The following SSX2IP variants were observed in gnomAD, a reference collection of about 807,000 sequenced individuals.
SSX2IP encodes the protein SSX family member 2 interacting protein.
A neutral mutation model predicts 84.9 loss-of-function variants in SSX2IP; 55 were observed. The observed-to-expected ratio is 0.65, with a 90% confidence interval of 0.52 to 0.81. The LOEUF is 0.81. Ranked by LOEUF, SSX2IP falls within the 30% of genes least tolerant of loss-of-function variation. SSX2IP has a pLI of 0.00. For missense variants in SSX2IP, 664 were observed against 705.2 expected (o/e 0.94, Z 0.66); for synonymous variants, 239 against 234.7 (o/e 1.02, Z -0.17).
At chr1:84,661,199 C>T (rs1039668882) in intron 8 of SSX2IP, among the ~76,000 whole-genome samples, 5 of 151,276 alleles carry the variant, frequency 3.3e-5, no homozygotes, top group African/African-American at 1.2e-4. Flanking sequence ...TCCTCAAATA[C>T]AGGTTTAAAA....
chr1:84,686,626 G>C (rs946948267), intron 1 of SSX2IP, among the ~76,000 whole-genome samples: 1 of 152,076 alleles, frequency 6.6e-6, no homozygotes, highest in Non-Finnish European at 1.5e-5. Context: ...AAAAGGGGCA[G>C]GAGAACAAAC....
At chr1:84,682,030 C>A (rs1655151474) in intron 1 of SSX2IP, among the ~76,000 whole-genome samples, 1 of 152,184 alleles carries the variant, frequency 6.6e-6, no homozygotes, top group Non-Finnish European at 1.5e-5. Flanking sequence ...ACACCCTCTT[C>A]AAAAACAAAT....
At position 84,649,993 on chromosome 1, in the gene SSX2IP, T is replaced by C. The variant is rs1294551099; in HGVS notation, c.1670+369A>G. ...GGCATGCCGGAAAAAAGTGTTAAGA[T>C]ATGTACTCTACAAAAACTGTCAAAA... On this transcript the variant is annotated intron_variant, in intron 13 of 13. Transcript: ENST00000342203. The C allele has an allele frequency of 1.1e-5, 7 of 616,660 alleles. No individual in the cohort carries two copies. In the Admixed American group the frequency reaches 1.2e-4, roughly 10 times the overall value. The allele number at this position is 616,660 out of a possible 1,614,324, so 38.2% of individuals were successfully genotyped here.
At chr1:84,681,967 CT>C (rs1416880682) in intron 1 of SSX2IP, among the ~76,000 whole-genome samples, 2 of 152,184 alleles carry the variant, frequency 1.3e-5, no homozygotes, top group Non-Finnish European at 2.9e-5. Context: ...CTCCCCCTGG[CT>C]TAATGAACAA....
chr1:84,655,581 A>G (rs1419982085), intron 11 of SSX2IP: 3 of 1,436,486 alleles, frequency 2.1e-6, no homozygotes, highest in African/African-American at 2.8e-5. Context: ...TAGCAGGAGA[A>G]AGCCAATCTG....
chr1:84,664,413 T>C lies in SSX2IP; in HGVS notation c.673+4A>G. The C allele has an allele frequency of 6.4e-7, 1 of 1,572,710 alleles. No individual in the cohort carries two copies. The highest frequency in any genetic ancestry group is 8.6e-7 in the Non-Finnish European group (1 of 1,166,490). The stretch of plus-strand genomic sequence containing the variant: ...CTCTTAGCTGATCTTTGCCAGCTGT[T>C]TACCTATTTTCTTATCTTTCTTGTT... On this transcript the variant is annotated splice_donor_region_variant and intron_variant, in intron 6 of 13. Transcript: ENST00000342203.
At chr1:84,674,842 G>T (rs1654092940) in intron 1 of SSX2IP, among the ~76,000 whole-genome samples, 1 of 152,130 alleles carries the variant, frequency 6.6e-6, no homozygotes, top group Non-Finnish European at 1.5e-5. Context: ...TCTGTTCAAT[G>T]ATGTACCAAT....
chr1:84,661,173 A>C (rs2102317330), intron 8 of SSX2IP, among the ~76,000 whole-genome samples: 1 of 152,016 alleles, frequency 6.6e-6, no homozygotes, highest in Middle Eastern at 3.4e-3. Context: ...GATTTGTGAT[A>C]CCACAAAATA....
intron 11 of SSX2IP, among the ~76,000 whole-genome samples, chr1:84,652,878 A>C (rs1355856928): frequency 6.7e-6 from 1 of 149,316 alleles, no homozygotes; most frequent in Non-Finnish European, 1.5e-5. Context: ...ACAAAACAAA[A>C]AAAATTAGCC....
chr1:84,647,262 C>T lies in SSX2IP; in HGVS notation c.*171G>A. ...AATACATATCCAAAGCTTTTATATC[C>T]TTTTAAATAGATTTAAGATTTCAAC... On this transcript the variant is annotated 3_prime_UTR_variant, in exon 14 of 14. Transcript: ENST00000342203. 1 of 497,416 alleles carries T rather than the reference C, an allele frequency of 2.0e-6. No individual in the cohort carries two copies. The highest frequency in any genetic ancestry group is 3.4e-6 in the Non-Finnish European group (1 of 293,770). The allele number at this position is 497,416 out of a possible 1,614,324, so 30.8% of individuals were successfully genotyped here. A position where few individuals can be genotyped will look rare whatever the true frequency, so the allele number is the denominator to read the frequency against.
At chr1:84,665,510 T>C (rs1652653712) in intron 5 of SSX2IP, among the ~76,000 whole-genome samples, 1 of 152,160 alleles carries the variant, frequency 6.6e-6, no homozygotes. Flanking sequence ...TTTAGAGCAA[T>C]AAAAACATAA....
At position 84,650,039 on chromosome 1, in the gene SSX2IP, C is replaced by T. The variant is rs1649997987; in HGVS notation, c.1670+323G>A. The T allele has an allele frequency of 4.7e-6, 3 of 637,682 alleles. No individual in the cohort carries two copies. The Admixed American group carries it at 7.3e-5, about 15-fold the overall frequency. 39.5% of individuals were successfully genotyped at this position (637,682 alleles called of 1,614,324 possible). A position where few individuals can be genotyped will look rare whatever the true frequency, so the allele number is the denominator to read the frequency against. Reference sequence around the variant, plus strand: ...CAAAACAATATCCTTCCATTTAATACAATTAAAGTGCTTAAAATATTAACT... The same window carrying T: ...CAAAACAATATCCTTCCATTTAATATAATTAAAGTGCTTAAAATATTAACT... On this transcript the variant is annotated intron_variant, in intron 13 of 13. Coordinates refer to ENST00000342203, the MANE Select transcript of SSX2IP (RefSeq NM_001166293.2).
At chr1:84,657,933 A>G (rs1216885695) in intron 9 of SSX2IP, among the ~76,000 whole-genome samples, 2 of 152,138 alleles carry the variant, frequency 1.3e-5, no homozygotes, top group African/African-American at 4.8e-5. Context: ...CAGGAGTTCA[A>G]GATAAGCCTG....
intron 1 of SSX2IP, among the ~76,000 whole-genome samples, chr1:84,689,419 T>C (rs1345953303): frequency 1.3e-5 from 2 of 152,206 alleles, no homozygotes; most frequent in Non-Finnish European, 2.9e-5. Flanking sequence ...TCTGAATTGT[T>C]AGAAAGCCCA....
At chr1:84,660,622 G>A (rs984396704) in intron 8 of SSX2IP, among the ~76,000 whole-genome samples, 17 of 151,726 alleles carry the variant, frequency 1.1e-4, no homozygotes, top group Admixed American at 4.6e-4. Context: ...AAAATTGGCC[G>A]TGGGTGGTGG....
intron 4 of SSX2IP, among the ~76,000 whole-genome samples, chr1:84,668,315 T>C (rs1373181098): frequency 2.0e-5 from 3 of 152,152 alleles, no homozygotes; most frequent in Non-Finnish European, 4.4e-5. Flanking sequence ...AGACCTTCCA[T>C]AGGTCTCTCT....
In SSX2IP at chr1:84,655,956, T is replaced by A; in HGVS notation, c.1265A>T (p.Asp422Val). Reference protein sequence around the residue: ...YDDDTTSLLRDCYLLEEKERL... With the variant: ...YDDDTTSLLRVCYLLEEKERL... ...TTCCTTTTCTTCCAACAAATAACAG[T>A]CTCGTAATAGTGAAGTGGTATCATC... Residue 422 changes from aspartate to valine, a missense_variant, in exon 11 of 14, where the codon GAC becomes GTC. By Grantham distance (152) the Asp-to-Val change is radical (BLOSUM62 -3). Transcript: ENST00000342203. 1.2e-6 allele frequency: 2 copies of A among 1,613,700 alleles called. No individual in the cohort carries two copies. Among genetic ancestry groups the A allele is most frequent in the Non-Finnish European group, 1.7e-6 (2 of 1,179,914 alleles).
chr1:84,674,731 T>G (rs891272497), intron 1 of SSX2IP, among the ~76,000 whole-genome samples: 1 of 152,172 alleles, frequency 6.6e-6, no homozygotes, highest in Non-Finnish European at 1.5e-5. Context: ...TGTAAAATGT[T>G]TACAATGAAA....
At chr1:84,685,541 G>A (rs1655666592) in intron 1 of SSX2IP, among the ~76,000 whole-genome samples, 1 of 152,222 alleles carries the variant, frequency 6.6e-6, no homozygotes, top group East Asian at 1.9e-4. Flanking sequence ...GGAAGAAACT[G>A]AGGCAACAGA....
Sources: gnomAD v4.1 joint callset for allele counts (sites outside exome capture counted in the v4.1 genomes callset) on GRCh38, gnomAD v4.1.1 for gene constraint, MANE v1.5 for transcripts, NCBI Gene and HGNC (gene_info 2026-07-23, HGNC 2026-07-21) for gene names.